Variants in ZFAND2B observed in about 807,000 individuals in gnomAD.
ZFAND2B encodes zinc finger AN1-type containing 2B.
A neutral mutation model predicts 38.2 loss-of-function variants in ZFAND2B; 27 were observed. The ratio of observed to expected loss-of-function variants is 0.71; its 90% CI spans 0.52 to 0.97. The LOEUF is 0.97. Among genes scored for constraint, ZFAND2B ranks in the 50% least tolerant of loss-of-function variants. The probability of loss-of-function intolerance (pLI) is 0.00; values close to 1 mark genes in which losing one functional copy is unlikely to be tolerated. For synonymous variants in ZFAND2B, 111 were observed against 119.4 expected (o/e 0.93, Z 0.46); for missense variants, 303 against 331.5 (o/e 0.91, Z 0.67).
rs1950492032 is a variant in ZFAND2B at position 219,206,936 on chromosome 2, A to G, written c.-52A>G. 1.9e-6 allele frequency: 3 copies of G among 1,596,756 alleles called. No individual in the cohort carries two copies. Among genetic ancestry groups the G allele is most frequent in the African/African-American group, 1.3e-5 (1 of 74,364 alleles). On this transcript the variant is annotated 5_prime_UTR_variant, in exon 1 of 9. Coordinates refer to ENST00000289528, the MANE Select transcript of ZFAND2B (RefSeq NM_138802.3). ...GGTGCGGACTTCGAGCACGAGCCCTAAAGACGCTCAGCACTCGTCGCTTCT... is the reference window on the plus strand; with the variant it reads ...GGTGCGGACTTCGAGCACGAGCCCTGAAGACGCTCAGCACTCGTCGCTTCT...
rs1335772205 is a variant in ZFAND2B at position 219,208,985 on chromosome 2, A to G, written c.665A>G (p.Glu222Gly). The change falls in exon 8 of 9, where the codon GAG (glutamate) becomes GGG (glycine). Residue 222 changes from glutamate (E) to glycine (G), a missense_variant. Glu to Gly is a moderately conservative substitution (Grantham distance 98). Coordinates refer to ENST00000289528, the MANE Select transcript of ZFAND2B (RefSeq NM_138802.3). ...CTGTTTCTCCCTCCCAGTTGTCAGG[A>G]GGAAGAAGACCTAGCTTTAGCACAA... ...ETKPQVPSCQ[E>G]EEDLALAQAL... 2 of 1,614,176 alleles carry G rather than the reference A, an allele frequency of 1.2e-6. No individual in the cohort carries two copies. Among genetic ancestry groups the G allele is most frequent in the Non-Finnish European group, 8.5e-7 (1 of 1,180,028 alleles).
In ZFAND2B at chr2:219,207,744, G is replaced by C. The variant is rs768411164; in HGVS notation, c.247G>C (p.Asp83His). 2.5e-6 allele frequency: 4 copies of C among 1,614,184 alleles called. No individual in the cohort carries two copies. Among genetic ancestry groups the C allele is most frequent in the Middle Eastern group, 1.6e-4 (1 of 6,062 alleles). Reference sequence around the variant, plus strand: ...TGCTGTGGGAGAGCACATTGACAGAGACTGTCGCTCTGATCCAGCACAGCA... The same window carrying C: ...TGCTGTGGGAGAGCACATTGACAGACACTGTCGCTCTGATCCAGCACAGCA... ...DRAVGEHIDR[D>H]CRSDPAQQKR... Residue 83 changes from aspartate to histidine, a missense_variant, in exon 3 of 9, where the codon GAC (aspartate) becomes CAC (histidine). Asp to His is a moderately conservative substitution (Grantham distance 81). Coordinates refer to ENST00000289528, the MANE Select transcript of ZFAND2B (RefSeq NM_138802.3).
In ZFAND2B at chr2:219,207,769, A is replaced by G. The variant is rs891207415; in HGVS notation, c.272A>G (p.Gln91Arg). 1.9e-6 allele frequency: 3 copies of G among 1,614,056 alleles called. No homozygotes were observed. In the Admixed American group the frequency reaches 5.0e-5, roughly 27 times the overall value. ...DRDCRSDPAQQKRKIFTNKCE... is the reference protein window; with the variant it reads ...DRDCRSDPAQRKRKIFTNKCE... ...GACTGTCGCTCTGATCCAGCACAGCAAAAACGTAAGGTAAACATTGTAGGG... is the reference window on the plus strand; with the variant it reads ...GACTGTCGCTCTGATCCAGCACAGCGAAAACGTAAGGTAAACATTGTAGGG... The change falls in exon 3 of 9, where the codon CAA becomes CGA. Residue 91 changes from glutamine to arginine, a missense_variant. Transcript: ENST00000289528.
intron 7 of ZFAND2B, 59 bp downstream of exon 7, chr2:219,208,698 CAGGT>C: frequency 1.3e-6 from 2 of 1,595,582 alleles, no homozygotes; most frequent in Middle Eastern, 1.8e-4. Context: ...GGTCTGGAGG[CAGGT>C]AGGTGGGACC....
At chr2:219,207,614 G>T (rs1950506716) in intron 2 of ZFAND2B, 34 bp from the exon 3 acceptor site, 2 of 1,610,412 alleles carry the variant, frequency 1.2e-6, no homozygotes, top group East Asian at 4.5e-5. Flanking sequence ...GGACTGGAGT[G>T]GGCCACAGAC....
At position 219,207,853 on chromosome 2, in the gene ZFAND2B, T is replaced by G. The variant is rs777308755; in HGVS notation, c.283-34T>G. 2.5e-6 allele frequency: 4 copies of G among 1,613,562 alleles called. No individual in the cohort carries two copies. The African/African-American group carries it at 5.3e-5, about 22-fold the overall frequency. On this transcript the variant is annotated intron_variant, in intron 3 of 8. Coordinates refer to ENST00000289528, the MANE Select transcript of ZFAND2B (RefSeq NM_138802.3). ...TGGAAACCCAAACAGCTAATCAGAG[T>G]CTCAGCAGAGACAACCTTCTCACTT...
Position 219,209,539 on chromosome 2 carries a change from C to T in ZFAND2B, c.*233C>T, listed in dbSNP as rs757764958. On this transcript the variant is annotated 3_prime_UTR_variant, in exon 9 of 9. Transcript: ENST00000289528. ...CTCAGTGGATGCTGGCCAGGCCCTA[C>T]TCTTAGCCCCTTCATCATGTCATCT... The T allele has an allele frequency of 1.4e-6, 1 of 701,926 alleles. No homozygotes were observed. The highest frequency in any genetic ancestry group is 1.5e-5 in the South Asian group (1 of 66,636). The allele number at this position is 701,926 out of a possible 1,614,324, so 43.5% of individuals were successfully genotyped here.
intron 3 of ZFAND2B, 44 bp downstream of exon 3, chr2:219,207,823 A>G: frequency 6.2e-7 from 1 of 1,613,498 alleles, no homozygotes; most frequent in East Asian, 2.2e-5. Context: ...GGGACTACGG[A>G]TGCCTGGAAA....
chr2:219,208,945 A>G (rs375526735), intron 7 of ZFAND2B, 32 bp from the exon 8 acceptor site: 27 of 1,609,740 alleles, frequency 1.7e-5, no homozygotes, highest in Non-Finnish European at 2.1e-5. Flanking sequence ...AGATCTTACC[A>G]TCATCCAACT....
At position 219,206,816 on chromosome 2, in the gene ZFAND2B, C is replaced by A. The variant is rs1038137052; in HGVS notation, c.-172C>A. ...CCGCGCGCGCCGAGGGAGGAGCGGG[C>A]GCCGGGGGCCGGCTGGCGCGGGGGC... On this transcript the variant is annotated 5_prime_UTR_variant, in exon 1 of 9. Coordinates refer to ENST00000289528, the MANE Select transcript of ZFAND2B (RefSeq NM_138802.3). 1.8e-5 allele frequency: 11 copies of A among 613,112 alleles called. No homozygotes were observed. Among genetic ancestry groups the A allele is most frequent in the Admixed American group, 4.4e-5 (1 of 22,948 alleles). 38.0% of individuals were successfully genotyped at this position (613,112 alleles called of 1,614,324 possible).
Position 219,207,914 on chromosome 2 carries a change from G to C in ZFAND2B, c.310G>C (p.Gly104Arg), listed in dbSNP as rs746445504. 6.2e-7 allele frequency: 1 copy of C among 1,614,114 alleles called. No individual in the cohort carries two copies. The highest frequency in any genetic ancestry group is 8.5e-7 in the Non-Finnish European group (1 of 1,180,024). The change falls in exon 4 of 9, where the codon GGC becomes CGC. Residue 104 changes from glycine to arginine, a missense_variant. Coordinates refer to ENST00000289528, the MANE Select transcript of ZFAND2B (RefSeq NM_138802.3). ...CTTCACCAATAAGTGTGAACGCGCT[G>C]GCTGCCGGCAGCGAGAAATGATGAA... is the stretch of plus-strand genomic sequence containing the variant. The part of the protein sequence containing the change: ...KIFTNKCERA[G>R]CRQREMMKLT...
rs1434729864 is a variant in ZFAND2B at position 219,206,871 on chromosome 2, G to A, written c.-117G>A. ...GTAACCCGGGCTGGGCGGGGGAGAG[G>A]AAGGGGCGGGGCAGGGAGCCCGCCA... On this transcript the variant is annotated 5_prime_UTR_variant, in exon 1 of 9. Transcript: ENST00000289528. 1.5e-5 allele frequency: 18 copies of A among 1,172,804 alleles called. No homozygotes were observed. The highest frequency in any genetic ancestry group is 5.9e-6 in the Non-Finnish European group (5 of 843,072). The allele number at this position is 1,172,804 out of a possible 1,614,324, so 72.6% of individuals were successfully genotyped here.
At chr2:219,207,211 G>T in intron 1 of ZFAND2B, 116 bp from the exon 2 acceptor site, 1 of 1,400,452 alleles carries the variant, frequency 7.1e-7, no homozygotes, top group Non-Finnish European at 1.0e-6. Flanking sequence ...AATGGGCTTG[G>T]GAAGGGGCGG....
rs1574804072 is a variant in ZFAND2B at position 219,208,299 on chromosome 2, A to C, written c.478A>C (p.Thr160Pro). ...AGCACAAGCTGTGGCTTCTACAAGCACTGTCCCCAGCCCAAGTCAAACCAT... is the reference window on the plus strand; with the variant it reads ...AGCACAAGCTGTGGCTTCTACAAGCCCTGTCCCCAGCCCAAGTCAAACCAT... The part of the protein sequence containing the change: ...SRAQAVASTS[T>P]VPSPSQTMPS... The change falls in exon 5 of 9, where the codon ACT becomes CCT. Residue 160 changes from threonine to proline, a missense_variant. Coordinates refer to ENST00000289528, the MANE Select transcript of ZFAND2B (RefSeq NM_138802.3). The C allele has an allele frequency of 6.2e-7, 1 of 1,614,108 alleles. No individual in the cohort carries two copies. The highest frequency in any genetic ancestry group is 1.3e-5 in the African/African-American group (1 of 75,006).
chr2:219,208,186 G>A, intron 4 of ZFAND2B, 70 bp from the exon 5 acceptor site: 1 of 1,602,036 alleles, frequency 6.2e-7, no homozygotes, highest in Non-Finnish European at 8.5e-7. Context: ...TGTTTTTCCA[G>A]AACTCCCCTC....
intron 3 of ZFAND2B, 32 bp from the exon 4 acceptor site, chr2:219,207,855 T>C: frequency 6.2e-7 from 1 of 1,613,912 alleles, no homozygotes; most frequent in East Asian, 2.2e-5. Flanking sequence ...AATCAGAGTC[T>C]CAGCAGAGAC....
intron 2 of ZFAND2B, 49 bp from the exon 3 acceptor site, chr2:219,207,599 T>G: frequency 6.2e-7 from 1 of 1,605,616 alleles, no homozygotes; most frequent in Non-Finnish European, 8.5e-7. Context: ...GACCAGAGAT[T>G]TGTTGGACTG....
chr2:219,208,579 A>T lies in ZFAND2B; in HGVS notation c.596A>T (p.Asp199Val). 1 of 1,614,206 alleles carries T rather than the reference A, an allele frequency of 6.2e-7. No individual in the cohort carries two copies. The highest frequency in any genetic ancestry group is 8.5e-7 in the Non-Finnish European group (1 of 1,180,032). ...TTCTTTCTCCCTTTGTAGAGTGAGG[A>T]TGAAGCTCTGCAGCGGGCCCTGGAA... Reference protein sequence around the residue: ...VIALQNGLSEDEALQRALEMS... With the variant: ...VIALQNGLSEVEALQRALEMS... Residue 199 changes from aspartate (D) to valine (V), a missense_variant, in exon 7 of 9, where the codon GAT becomes GTT. Transcript: ENST00000289528.
In ZFAND2B at chr2:219,207,663, G is replaced by T; in HGVS notation, c.166G>T (p.Val56Leu). Residue 56 changes from valine to leucine, a missense_variant, in exon 3 of 9, where the codon GTG (valine) becomes TTG (leucine). Physicochemically the swap from Val to Leu is conservative, Grantham distance 32 (BLOSUM62 1). Transcript: ENST00000289528. ...SAYQKDIQVP[V>L]CPLCNVPVPV... The stretch of plus-strand genomic sequence containing the variant: ...TTGACTACAGGATATCCAGGTACCT[G>T]TGTGCCCTCTCTGTAATGTGCCTGT... 6.2e-7 allele frequency: 1 copy of T among 1,614,236 alleles called. No individual in the cohort carries two copies. Among genetic ancestry groups the T allele is most frequent in the Non-Finnish European group, 8.5e-7 (1 of 1,180,046 alleles).
Sources: gnomAD v4.1 joint callset for allele counts on GRCh38, gnomAD v4.1.1 for gene constraint, MANE v1.5 for transcripts, NCBI Gene and HGNC (gene_info 2026-07-23, HGNC 2026-07-21) for gene names.